The following AGMO variants were observed in gnomAD, a reference collection of about 807,000 sequenced individuals.
AGMO encodes glyceryl-ether monooxygenase.
A neutral mutation model predicts 60.2 loss-of-function variants in AGMO; 75 were observed. That is an observed-to-expected ratio of 1.25 (90% CI 1.03 to 1.51). The LOEUF is 1.51. AGMO is among the 40% of genes most tolerant of loss of function. The pLI, the probability that AGMO is intolerant of heterozygous loss-of-function variation, is 0.00. For synonymous variants in AGMO, 261 were observed against 177.1 expected, an observed-to-expected ratio of 1.47 and a Z score of -3.76; for missense variants, 763 against 525.5, an observed-to-expected ratio of 1.45 and a Z score of -4.42.
chr7:15,388,917 G>C (rs752633789), intron 8 of AGMO, among the ~76,000 whole-genome samples: 3 of 152,192 alleles, frequency 2.0e-5, no homozygotes, highest in Non-Finnish European at 4.4e-5. Flanking sequence ...TGAAGGAAAT[G>C]TGAGGGGGAA....
At chr7:15,372,397 A>G (rs1179377168) in intron 10 of AGMO, among the ~76,000 whole-genome samples, 1 of 152,348 alleles carries the variant, frequency 6.6e-6, no homozygotes, top group African/African-American at 2.4e-5. Flanking sequence ...CAGAGGTTGC[A>G]GTGAGGCAAG....
At chr7:15,478,195 A>G (rs1236042960) in intron 3 of AGMO, among the ~76,000 whole-genome samples, 1 of 152,182 alleles carries the variant, frequency 6.6e-6, no homozygotes, top group African/African-American at 2.4e-5. Context: ...GGCATGGAAG[A>G]GTGGAGAAAG....
intron 12 of AGMO, among the ~76,000 whole-genome samples, chr7:15,310,108 T>C (rs1459360985): frequency 6.6e-6 from 1 of 152,168 alleles, no homozygotes. Flanking sequence ...TAGCAGCTGC[T>C]ATGAGCAAAC....
At chr7:15,359,065 G>A (rs183819178) in intron 12 of AGMO, among the ~76,000 whole-genome samples, 125 of 151,964 alleles carry the variant, frequency 8.2e-4, no homozygotes, top group African/African-American at 2.7e-3. Context: ...CAAGACAGGC[G>A]GATCATGAGG....
rs550889948 is a variant in AGMO, at chr7:15,302,577, T to TA, written c.1263+62936dup. On this transcript the variant is annotated intron_variant, in intron 12 of 12. Coordinates refer to ENST00000342526, the MANE Select transcript of AGMO (RefSeq NM_001004320.2). Reference sequence around the variant, plus strand: ...GATTAAAATCTTTGAAAATGACAATTAAAAAATACATAAATCAAGGAGACT... The same window carrying TA: ...GATTAAAATCTTTGAAAATGACAATTAAAAAAATACATAAATCAAGGAGACT... 4.4e-3 allele frequency among the ~76,000 whole-genome samples: 669 copies of TA among 152,242 alleles called. 4 individuals carry two copies. Among genetic ancestry groups the TA allele is most frequent in the African/African-American group, 0.015 (636 of 41,554 alleles).
intron 12 of AGMO, among the ~76,000 whole-genome samples, chr7:15,258,863 T>C (rs1189361684): frequency 6.6e-6 from 1 of 152,048 alleles, no homozygotes; most frequent in East Asian, 1.9e-4. Context: ...GCCTATTCCT[T>C]AGGGGAAGGA....
chr7:15,337,600 T>G (rs941288422), intron 12 of AGMO, among the ~76,000 whole-genome samples: 2 of 152,136 alleles, frequency 1.3e-5, no homozygotes, highest in African/African-American at 4.8e-5. Context: ...GAAGAGGTCA[T>G]TACAATTCTG....
chr7:15,218,679 A>G (rs1781822321), intron 12 of AGMO, among the ~76,000 whole-genome samples: 1 of 152,192 alleles, frequency 6.6e-6, no homozygotes, highest in South Asian at 2.1e-4. Context: ...AAAGAGTTCA[A>G]CAAGACCTGT....
intron 3 of AGMO, among the ~76,000 whole-genome samples, chr7:15,466,800 T>G (rs1426779690): frequency 6.6e-6 from 1 of 152,154 alleles, no homozygotes; most frequent in Non-Finnish European, 1.5e-5. Context: ...CAGCATTGGA[T>G]AAATAAAGGA....
intron 3 of AGMO, among the ~76,000 whole-genome samples, chr7:15,496,524 G>C (rs1350343708): frequency 6.8e-6 from 1 of 146,916 alleles, no homozygotes; most frequent in Non-Finnish European, 1.5e-5. Flanking sequence ...TTTCGTATTT[G>C]CTTGTGAGAA....
Position 15,544,921 on chromosome 7 carries a change from A to G in AGMO, c.260T>C (p.Leu87Pro). The change falls in exon 3 of 13, where the codon CTA becomes CCA. Residue 87 changes from leucine (L) to proline (P), a missense_variant and splice_region_variant. Leu to Pro is a moderately conservative substitution (Grantham distance 98, BLOSUM62 -3). Transcript: ENST00000342526. The stretch of plus-strand genomic sequence containing the variant: ...GGTCAGTTCAATGCTCCTGAAAAAT[A>G]GACTGGAAGATAAAATTCACAATCA... ...SAGVLSRLPS[L>P]FFRSIELTSY... 1 of 1,520,962 alleles carries G rather than the reference A, an allele frequency of 6.6e-7. No individual in the cohort carries two copies. Among genetic ancestry groups the G allele is most frequent in the Non-Finnish European group, 8.8e-7 (1 of 1,131,768 alleles). 94.2% of individuals were successfully genotyped at this position (1,520,962 alleles called of 1,614,324 possible).
chr7:15,361,892 C>A (rs573626610), intron 12 of AGMO, among the ~76,000 whole-genome samples: 1 of 152,046 alleles, frequency 6.6e-6, no homozygotes, highest in Non-Finnish European at 1.5e-5. Context: ...AGCTAGCCTT[C>A]TAGATAGAGA....
intron 3 of AGMO, among the ~76,000 whole-genome samples, chr7:15,482,626 C>T (rs905683364): frequency 8.5e-5 from 13 of 152,088 alleles, no homozygotes; most frequent in African/African-American, 3.1e-4. Context: ...AGTAGGGACA[C>T]TTGTCATCTC....
At chr7:15,544,558 AT>A (rs1215438953) in intron 3 of AGMO, among the ~76,000 whole-genome samples, 2 of 152,158 alleles carry the variant, frequency 1.3e-5, no homozygotes, top group Admixed American at 1.3e-4. Context: ...AGCGAAAAAA[AT>A]GTACTTCCAA....
chr7:15,390,769 GAT>G lies in AGMO; in HGVS notation c.743-21_743-20del. ...AATGTCCCTGGAAGATAAATATAAA[GAT>G]ATGAGATTTGGCTTCCTGTAAAGTA... On this transcript the variant is annotated intron_variant, in intron 7 of 12. Transcript: ENST00000342526. 6.3e-7 allele frequency: 1 copy of G among 1,599,332 alleles called. No homozygotes were observed.
Position 15,504,784 on chromosome 7 carries a change from A to T in AGMO, c.409+39988T>A, listed in dbSNP as rs375061986. Among the ~76,000 whole-genome samples the T allele has an allele frequency of 2.6e-5, 4 of 151,946 alleles. No homozygotes were observed. The East Asian group carries it at 7.7e-4, about 29-fold the overall frequency. On this transcript the variant is annotated intron_variant, in intron 3 of 12. Transcript: ENST00000342526. ...TTTTCCTTTTCTAGTTAAAATAAAAAAAAAAAAAGGGTTAAGGGAAAACAT... is the reference window on the plus strand; with the variant it reads ...TTTTCCTTTTCTAGTTAAAATAAAATAAAAAAAAGGGTTAAGGGAAAACAT...
intron 12 of AGMO, among the ~76,000 whole-genome samples, chr7:15,324,561 C>T (rs1474446614): frequency 1.3e-5 from 2 of 152,110 alleles, no homozygotes; most frequent in East Asian, 3.9e-4. Flanking sequence ...TGCCTTTCTT[C>T]TCCCCCTCAT....
chr7:15,394,011 T>C, intron 6 of AGMO, 102 bp downstream of exon 6: 1 of 866,852 alleles, frequency 1.2e-6, no homozygotes, highest in Non-Finnish European at 1.9e-6. Flanking sequence ...GTAAAATGTG[T>C]GCTGACTATA....
In AGMO at chr7:15,334,311, G is replaced by GTT. The variant is rs5882496; in HGVS notation, c.1263+31201_1263+31202dup. Among the ~76,000 whole-genome samples the GTT allele has an allele frequency of 2.1e-4, 31 of 146,132 alleles. No homozygotes were observed. In the Middle Eastern group the frequency reaches 0.011, roughly 51 times the overall value. The stretch of plus-strand genomic sequence containing the variant: ...AAAGTGTTATTTATAACCTTGGTGA[G>GTT]TTTTTTTTTTTTTTAAATATGCATC... On this transcript the variant is annotated intron_variant, in intron 12 of 12. Transcript: ENST00000342526.
Sources: allele counts gnomAD v4.1 joint callset (sites outside exome capture counted in the v4.1 genomes callset), GRCh38; gene constraint gnomAD v4.1.1; transcripts MANE v1.5; gene names NCBI Gene and HGNC (gene_info 2026-07-23, HGNC 2026-07-21).